QDPR: variants seen among roughly 807,000 people sequenced by gnomAD.
QDPR encodes the protein dihydropteridine reductase.
In QDPR, 23 loss-of-function variants were observed where a neutral mutation model predicts 31.7. The ratio of observed to expected loss-of-function variants is 0.73; its 90% CI spans 0.52 to 1.03. The LOEUF (loss-of-function observed/expected upper bound fraction) is 1.03. Among genes scored for constraint, QDPR ranks in the 50% least tolerant of loss-of-function variants. The pLI, the probability that QDPR is intolerant of heterozygous loss-of-function variation, is 0.00. For synonymous variants in QDPR, 124 were observed against 124.7 expected, an observed-to-expected ratio of 0.99 and a Z score of 0.03; for missense variants, 324 against 323.8, an observed-to-expected ratio of 1.00 and a Z score of 0.00.
Position 17,511,994 on chromosome 4 carries a change from C to G in QDPR, c.61G>C (p.Ala21Pro). ...RRVLVYGGRG[A>P]LGSRCVQAFR... ...GCCTGCACGCATCGAGAACCCAGAG[C>G]GCCCCTGCCGCCGTACACCAGCACC... Residue 21 changes from alanine to proline, a missense_variant, in exon 1 of 7, where the codon GCT (alanine) becomes CCT (proline). By Grantham distance (27) the Ala-to-Pro change is conservative. Coordinates refer to ENST00000281243, the MANE Select transcript of QDPR (RefSeq NM_000320.3). The G allele has an allele frequency of 6.2e-7, 1 of 1,610,260 alleles. No individual in the cohort carries two copies. The highest frequency in any genetic ancestry group is 1.3e-5 in the African/African-American group (1 of 74,854).
chr4:17,488,754 C>T (rs1178744242), intron 6 of QDPR, among the ~76,000 whole-genome samples: 2 of 152,234 alleles, frequency 1.3e-5, no homozygotes, highest in African/African-American at 4.8e-5. Context: ...AATCTGTAAC[C>T]TTCTGGGCCA....
At chr4:17,487,634 C>T (rs574294630) in intron 6 of QDPR, among the ~76,000 whole-genome samples, 3 of 150,956 alleles carry the variant, frequency 2.0e-5, no homozygotes, top group East Asian at 3.9e-4. Context: ...AATGAGACTC[C>T]GTCTCACAAA....
rs113400069 is a variant in QDPR at position 17,490,653 on chromosome 4, A to G, written c.629+9T>C. 7 of 1,605,702 alleles carry G rather than the reference A, an allele frequency of 4.4e-6. No homozygotes were observed. The African/African-American group carries it at 5.3e-5, about 12-fold the overall frequency. ...GCTGCTCAGTCATGGACATGTCTGT[A>G]ATACTCACTCAACTAGGAATTCTAA... On this transcript the variant is annotated intron_variant, in intron 6 of 6. Coordinates refer to ENST00000281243, the MANE Select transcript of QDPR (RefSeq NM_000320.3).
rs1718907550 is a variant in QDPR, at chr4:17,509,274, G to T, written c.195C>A (p.Asp65Glu). ...TTGGGGGCCTTTTTGAAACTACCTG[G>T]TCAGCCTGCTCAGTGAACGAGTCTG... ...KMTDSFTEQA[D>E]QVTAEVGKLL... Residue 65 changes from aspartate to glutamate, a missense_variant, in exon 2 of 7, where the codon GAC (aspartate) becomes GAA (glutamate). Physicochemically the swap from Asp to Glu is conservative, Grantham distance 45. Coordinates refer to ENST00000281243, the MANE Select transcript of QDPR (RefSeq NM_000320.3). 1 of 1,613,646 alleles carries T rather than the reference G, an allele frequency of 6.2e-7. No homozygotes were observed.
chr4:17,493,681 T>C (rs965197160), intron 4 of QDPR, among the ~76,000 whole-genome samples: 1 of 152,124 alleles, frequency 6.6e-6, no homozygotes, highest in Non-Finnish European at 1.5e-5. Context: ...CTTCCACGCC[T>C]GCTCCAGCCA....
At chr4:17,504,246 C>A in intron 3 of QDPR, 133 bp downstream of exon 3, 1 of 765,190 alleles carries the variant, frequency 1.3e-6, no homozygotes, top group Non-Finnish European at 2.3e-6. Context: ...TAATCACTCT[C>A]TCCCCGAGCA....
rs758910537 is a variant in QDPR at position 17,490,730 on chromosome 4, G to T, written c.561C>A (p.Thr187=). The T allele has an allele frequency of 6.2e-7, 1 of 1,613,776 alleles. No homozygotes were observed. The highest frequency in any genetic ancestry group is 2.2e-5 in the East Asian group (1 of 44,868). Residue 187 remains threonine (T), a synonymous_variant, in exon 6 of 7, where the codon ACC becomes ACA. Coordinates refer to ENST00000281243, the MANE Select transcript of QDPR (RefSeq NM_000320.3). ...CAGGCATTGATTTCCTGTTCATCGG[G>T]GTATCCAGGGTAACCCTGCAATGGA... The part of the protein sequence containing the change: ...AIAVLPVTLD[T]PMNRKSMPEA...
intron 2 of QDPR, among the ~76,000 whole-genome samples, chr4:17,508,448 CAAT>C (rs1314777225): frequency 1.1e-4 from 16 of 152,168 alleles, no homozygotes; most frequent in East Asian, 5.8e-4. Flanking sequence ...AAACAAAAAA[CAAT>C]AATAATCAGA....
At chr4:17,493,213 C>G (rs1271364506) in intron 4 of QDPR, among the ~76,000 whole-genome samples, 3 of 152,070 alleles carry the variant, frequency 2.0e-5, no homozygotes, top group Non-Finnish European at 4.4e-5. Context: ...GAGGCTGAGG[C>G]AGGAGAATCC....
At chr4:17,491,036 A>G (rs1010395847) in intron 5 of QDPR, among the ~76,000 whole-genome samples, 7 of 152,352 alleles carry the variant, frequency 4.6e-5, no homozygotes, top group Admixed American at 2.6e-4. Context: ...CCTTTTTAAA[A>G]AAGAGTCTTC....
rs147257284 is a variant in QDPR at position 17,504,403 on chromosome 4, C to A, written c.271G>T (p.Ala91Ser). 306 of 1,614,162 alleles carry A rather than the reference C, an allele frequency of 1.9e-4. No homozygotes were observed. Among genetic ancestry groups the A allele is most frequent in the Non-Finnish European group, 2.5e-4 (292 of 1,180,012 alleles). Residue 91 changes from alanine to serine, a missense_variant, in exon 3 of 7, where the codon GCC becomes TCC. Transcript: ENST00000281243. ...CACTTGGATTTGGCATTGCCCCCGG[C>A]CCATCCTCCAGCAACGCAAAGAATT... ...DAILCVAGGW[A>S]GGNAKSKSLF...
chr4:17,507,121 T>C (rs544963804), intron 2 of QDPR, among the ~76,000 whole-genome samples: 1 of 152,314 alleles, frequency 6.6e-6, no homozygotes, highest in Non-Finnish European at 1.5e-5. Flanking sequence ...AACATCAGTA[T>C]TGAGATTACC....
At chr4:17,493,950 G>C (rs73800220) in intron 4 of QDPR, among the ~76,000 whole-genome samples, 16,319 of 152,076 alleles carry the variant, frequency 0.11, 1,774 homozygotes, top group East Asian at 0.44. Flanking sequence ...CACAGGAATA[G>C]AGTACTTAAT....
chr4:17,493,471 G>A (rs1216408956), intron 4 of QDPR, among the ~76,000 whole-genome samples: 1 of 152,030 alleles, frequency 6.6e-6, no homozygotes, highest in African/African-American at 2.4e-5. Flanking sequence ...ACAAGTCCTG[G>A]GCCACTTAGA....
At chr4:17,495,901 C>A (rs574537637) in intron 4 of QDPR, among the ~76,000 whole-genome samples, 2 of 151,734 alleles carry the variant, frequency 1.3e-5, no homozygotes, top group South Asian at 2.1e-4. Flanking sequence ...CTCAGCTACC[C>A]GGTAGGCTGA....
rs1718573663 is a variant in QDPR at position 17,501,823 on chromosome 4, C to T, written c.332G>A (p.Ser111Asn). ...FKNCDLMWKQSIWTSTISSHL... is the reference protein window; with the variant it reads ...FKNCDLMWKQNIWTSTISSHL... ...GCTGGAGATGGTCGATGTCCATATG[C>T]TCTGCTTCCACATCAGGTCACAGTT... Residue 111 changes from serine to asparagine, a missense_variant, in exon 4 of 7, where the codon AGC becomes AAC. Ser to Asn is a conservative substitution (Grantham distance 46, BLOSUM62 1). Transcript: ENST00000281243. 8 of 1,614,070 alleles carry T rather than the reference C, an allele frequency of 5.0e-6. No homozygotes were observed. Among genetic ancestry groups the T allele is most frequent in the Non-Finnish European group, 5.9e-6 (7 of 1,180,034 alleles).
intron 5 of QDPR, among the ~76,000 whole-genome samples, chr4:17,491,401 G>A (rs1432718545): frequency 6.6e-6 from 1 of 152,186 alleles, no homozygotes; most frequent in Non-Finnish European, 1.5e-5. Flanking sequence ...CCACAGGCAA[G>A]AGGCAAGCCT....
intron 4 of QDPR, among the ~76,000 whole-genome samples, chr4:17,496,237 G>A (rs891810829): frequency 1.3e-5 from 2 of 151,788 alleles, no homozygotes; most frequent in African/African-American, 4.8e-5. Flanking sequence ...CCTGAGGTCA[G>A]AAGTTCAAGA....
intron 4 of QDPR, 152 bp downstream of exon 4, chr4:17,501,567 T>A (rs1219427886): frequency 3.0e-5 from 27 of 911,246 alleles, no homozygotes; most frequent in Non-Finnish European, 4.6e-5. Flanking sequence ...CTCCCTAAAA[T>A]GATTCAGGCC....
Sources: allele counts gnomAD v4.1 joint callset (sites outside exome capture counted in the v4.1 genomes callset), GRCh38; gene constraint gnomAD v4.1.1; transcripts MANE v1.5; gene names NCBI Gene and HGNC (gene_info 2026-07-23, HGNC 2026-07-21).